EIF4E2: variants seen among roughly 807,000 people sequenced by gnomAD.
EIF4E2 encodes the protein eukaryotic translation initiation factor 4E family member 2.
Under a neutral mutation model 34.2 loss-of-function variants are expected in EIF4E2, and 13 were observed. The observed-to-expected ratio is 0.38, with a 90% CI of 0.25 to 0.60. EIF4E2 has a LOEUF of 0.60. Among genes scored for constraint, EIF4E2 ranks in the 20% least tolerant of loss-of-function variants. EIF4E2 has a pLI of 0.62. For synonymous variants in EIF4E2, 100 were observed against 106.6 expected (o/e 0.94, Z 0.38); for missense variants, 222 against 315.1 (o/e 0.70, Z 2.24).
intron 6 of EIF4E2, among the ~76,000 whole-genome samples, chr2:232,579,763 C>T (rs562346425): frequency 1.1e-4 from 16 of 152,206 alleles, no homozygotes; most frequent in African/African-American, 3.9e-4. Flanking sequence ...GAGTTCAAGA[C>T]CAACCTGGGC....
At chr2:232,557,858 A>C in intron 2 of EIF4E2, 26 bp from the exon 3 acceptor site, 1 of 1,610,848 alleles carries the variant, frequency 6.2e-7, no homozygotes, top group Non-Finnish European at 8.5e-7. Context: ...AATGCCCAGG[A>C]CTAACACACC....
At chr2:232,556,601 T>C in intron 2 of EIF4E2, 71 bp downstream of exon 2, 1 of 1,126,804 alleles carries the variant, frequency 8.9e-7, no homozygotes, top group East Asian at 2.5e-5. Flanking sequence ...AATCTGTTTA[T>C]CTGGAAGATA....
intron 3 of EIF4E2, among the ~76,000 whole-genome samples, chr2:232,559,662 G>T (rs187010388): frequency 6.6e-6 from 1 of 152,088 alleles, no homozygotes; most frequent in African/African-American, 2.4e-5. Flanking sequence ...CTCAAGTTAT[G>T]GTGGGGCACG....
At chr2:232,578,650 GT>G (rs1693275430) in intron 6 of EIF4E2, among the ~76,000 whole-genome samples, 1 of 151,910 alleles carries the variant, frequency 6.6e-6, no homozygotes, top group Non-Finnish European at 1.5e-5. Context: ...GAATGAGAAA[GT>G]GTTTTTAGAG....
At chr2:232,559,373 C>T (rs1692635125) in intron 3 of EIF4E2, among the ~76,000 whole-genome samples, 1 of 150,878 alleles carries the variant, frequency 6.6e-6, no homozygotes, top group African/African-American at 2.4e-5. Flanking sequence ...CTCATCTGTT[C>T]AGTAACAATC....
At chr2:232,551,024 C>T (rs941612538) in intron 1 of EIF4E2, 1 of 619,478 alleles carries the variant, frequency 1.6e-6, no homozygotes, top group East Asian at 2.8e-5. Flanking sequence ...GGACGCCCCG[C>T]CCTGGTGGAT....
At chr2:232,555,426 A>G (rs578005890) in intron 1 of EIF4E2, among the ~76,000 whole-genome samples, 90 of 152,336 alleles carry the variant, frequency 5.9e-4, no homozygotes, top group African/African-American at 2.2e-3. Flanking sequence ...GTGTACCTGA[A>G]AGCCTTGGGG....
chr2:232,564,429 T>A, intron 4 of EIF4E2, 78 bp downstream of exon 4: 1 of 702,086 alleles, frequency 1.4e-6, no homozygotes, highest in Non-Finnish European at 2.3e-6. Context: ...CTGCCAAGGT[T>A]AAAAGTATTT....
chr2:232,575,130 A>G (rs1175705420), intron 6 of EIF4E2, among the ~76,000 whole-genome samples: 1 of 150,512 alleles, frequency 6.6e-6, no homozygotes, highest in East Asian at 2.0e-4. Flanking sequence ...TCCCTAAGAA[A>G]TAGAGTAGTT....
At chr2:232,559,840 A>C (rs1692660950) in intron 3 of EIF4E2, among the ~76,000 whole-genome samples, 1 of 149,354 alleles carries the variant, frequency 6.7e-6, no homozygotes, top group Non-Finnish European at 1.5e-5. Flanking sequence ...AAAAAAAAAA[A>C]AAAGGCTGGC....
At position 232,567,525 on chromosome 2, in the gene EIF4E2, A is replaced by T. The variant is rs1306208847; in HGVS notation, c.665+311A>T. 3.2e-6 allele frequency: 4 copies of T among 1,240,850 alleles called. No homozygotes were observed. In the African/African-American group the frequency reaches 6.2e-5, roughly 19 times the overall value. The allele number at this position is 1,240,850 out of a possible 1,614,324, so 76.9% of individuals were successfully genotyped here. A position where few individuals can be genotyped will look rare whatever the true frequency, so the allele number is the denominator to read the frequency against. The stretch of plus-strand genomic sequence containing the variant: ...TAACCACTATCTTAAAATGAAAGAC[A>T]AGTGCTTTTCTTTTTCTTGCTGTTT... On this transcript the variant is annotated intron_variant, in intron 6 of 6. Coordinates refer to ENST00000258416, the MANE Select transcript of EIF4E2 (RefSeq NM_004846.4).
At chr2:232,568,755 C>T in intron 6 of EIF4E2, 190 bp from the exon 7 acceptor site, 1 of 985,444 alleles carries the variant, frequency 1.0e-6, no homozygotes, top group Non-Finnish European at 1.2e-6. Context: ...AGCCTGTGGG[C>T]TTTTTGCCTT....
chr2:232,559,671 C>T (rs1013245699), intron 3 of EIF4E2, among the ~76,000 whole-genome samples: 14 of 151,828 alleles, frequency 9.2e-5, no homozygotes, highest in African/African-American at 2.7e-4. Context: ...TGGTGGGGCA[C>T]GGTGGCTCAT....
chr2:232,550,784 A>C, intron 1 of EIF4E2, 40 bp downstream of exon 1: 1 of 1,537,844 alleles, frequency 6.5e-7, no homozygotes, highest in Non-Finnish European at 8.7e-7. Context: ...CCTTCCCCGA[A>C]CAGTTCCCCC....
chr2:232,556,591 A>T, intron 2 of EIF4E2, 61 bp downstream of exon 2: 1 of 1,228,978 alleles, frequency 8.1e-7, no homozygotes, highest in Non-Finnish European at 1.2e-6. Context: ...TATCTTGTGG[A>T]ATCTGTTTAT....
chr2:232,567,752 A>T, intron 6 of EIF4E2: 1 of 988,400 alleles, frequency 1.0e-6, no homozygotes, highest in South Asian at 4.7e-5. Context: ...CATGAAGGCC[A>T]CAGGGAAAAT....
exon 7 of EIF4E2, chr2:232,582,145 G>A (rs1693373414): frequency 6.6e-6 from 1 of 152,644 alleles, no homozygotes; most frequent in African/African-American, 2.4e-5. Flanking sequence ...AGAGCACCTA[G>A]GATTCAAATA....
In EIF4E2 at chr2:232,550,727, GAAC is replaced by G. The variant is rs1356823718; in HGVS notation, c.9_11del (p.Asn3del). On this transcript the variant is annotated inframe_deletion, in exon 1 of 7. Transcript: ENST00000258416. ...GTGGCGACAGCGGCGGCGAGAGGAT[GAAC>G]AACAAGTTCGACGCGTGAGTGGCTC... 1.1e-5 allele frequency: 18 copies of G among 1,585,998 alleles called. No homozygotes were observed. Among genetic ancestry groups the G allele is most frequent in the African/African-American group, 2.7e-5 (2 of 72,824 alleles).
intron 6 of EIF4E2, among the ~76,000 whole-genome samples, chr2:232,579,123 TACACACACACACACACACAC>T (rs71056276): frequency 1.6e-4 from 24 of 146,618 alleles, no homozygotes; most frequent in East Asian, 1.0e-3. Flanking sequence ...AACTCAGAAA[TACACACACACACACACACAC>T]ACACACACAC....
Sources: allele counts gnomAD v4.1 joint callset (sites outside exome capture counted in the v4.1 genomes callset), GRCh38; gene constraint gnomAD v4.1.1; transcripts MANE v1.5; gene names NCBI Gene and HGNC (gene_info 2026-07-23, HGNC 2026-07-21).